Variants in CNTN4 observed in about 807,000 individuals in gnomAD.
The protein encoded by CNTN4 is contactin-4.
In CNTN4, 77 loss-of-function variants were observed where a neutral mutation model predicts 122.5. The observed-to-expected ratio is 0.63, with a 90% CI of 0.52 to 0.76. CNTN4 has a LOEUF of 0.76. Ranked by LOEUF, CNTN4 falls within the 30% of genes least tolerant of loss-of-function variation. The pLI is 0.00. For synonymous variants in CNTN4, 512 were observed against 447.0 expected (o/e 1.15, Z -1.83); for missense variants, 1,256 against 1,259.1 (o/e 1.00, Z 0.04).
chr3:2,663,126 A>C (rs1174200887), intron 4 of CNTN4, among the ~76,000 whole-genome samples: 2 of 152,080 alleles, frequency 1.3e-5, no homozygotes, highest in Non-Finnish European at 2.9e-5. Context: ...AGAAAAGGGA[A>C]ATAAAGACAC....
intron 2 of CNTN4, among the ~76,000 whole-genome samples, chr3:2,155,994 G>C (rs907764931): frequency 6.6e-6 from 1 of 152,094 alleles, no homozygotes; most frequent in Non-Finnish European, 1.5e-5. Flanking sequence ...GGGGTGGTTA[G>C]CTCGGGTTGC....
chr3:3,025,314 C>A (rs1178213177), intron 14 of CNTN4, among the ~76,000 whole-genome samples: 1 of 152,070 alleles, frequency 6.6e-6, no homozygotes, highest in African/African-American at 2.4e-5. Context: ...ATGTTCATTA[C>A]AGCATTATTT....
chr3:2,621,838 A>G (rs892863017), intron 4 of CNTN4, among the ~76,000 whole-genome samples: 35 of 152,184 alleles, frequency 2.3e-4, no homozygotes, highest in African/African-American at 8.4e-4. Flanking sequence ...GGCCAAGAGA[A>G]TGATCCTCAT....
At chr3:2,335,711 C>G (rs1281793384) in intron 2 of CNTN4, among the ~76,000 whole-genome samples, 1 of 151,676 alleles carries the variant, frequency 6.6e-6, no homozygotes, top group Admixed American at 6.6e-5. Flanking sequence ...TTTCCCCTAA[C>G]AAGAATACAG....
intron 2 of CNTN4, among the ~76,000 whole-genome samples, chr3:2,210,237 A>G (rs2038551905): frequency 6.6e-6 from 1 of 152,218 alleles, no homozygotes; most frequent in Admixed American, 6.5e-5. Flanking sequence ...CCTACATGAA[A>G]AGATGACCAC....
At chr3:3,002,151 A>G (rs1018680584) in intron 14 of CNTN4, among the ~76,000 whole-genome samples, 6 of 152,202 alleles carry the variant, frequency 3.9e-5, no homozygotes, top group African/African-American at 1.4e-4. Flanking sequence ...AGTGGCCATG[A>G]AACAACCATA....
At chr3:2,489,227 G>T (rs536041391) in intron 3 of CNTN4, among the ~76,000 whole-genome samples, 1 of 152,174 alleles carries the variant, frequency 6.6e-6, no homozygotes, top group Admixed American at 6.5e-5. Context: ...CTCAACAAAA[G>T]ACATTAGATT....
chr3:2,698,604 G>T (rs572035259), intron 4 of CNTN4, among the ~76,000 whole-genome samples: 1 of 152,096 alleles, frequency 6.6e-6, no homozygotes, highest in East Asian at 1.9e-4. Flanking sequence ...TTCTAAGTCC[G>T]TACAGCTAGA....
chr3:2,530,309 C>CTTTTTT (rs1206246281), intron 3 of CNTN4, among the ~76,000 whole-genome samples: 6 of 134,710 alleles, frequency 4.5e-5, no homozygotes, highest in African/African-American at 2.8e-5. Context: ...TTCTCCTCTT[C>CTTTTTT]TTTTTTTTTT....
At chr3:2,497,078 G>T (rs1440708063) in intron 3 of CNTN4, among the ~76,000 whole-genome samples, 1 of 152,158 alleles carries the variant, frequency 6.6e-6, no homozygotes, top group East Asian at 1.9e-4. Context: ...CTGTACTTTG[G>T]AAACAACGTC....
rs184198450 is a variant in CNTN4, at chr3:3,043,840, A to G, written c.2811+136A>G. ...TACCCTCTAGGAATCGCTGCCTCCA[A>G]CACGGTTTGATCTGAGTTGTATAAA... On this transcript the variant is annotated intron_variant, in intron 23 of 24. Transcript: ENST00000418658. 4.2e-4 allele frequency: 297 copies of G among 706,920 alleles called. 2 individuals are homozygous for G. In the African/African-American group the frequency reaches 4.7e-3, roughly 11 times the overall value. The allele number at this position is 706,920 out of a possible 1,614,324, so 43.8% of individuals were successfully genotyped here.
At chr3:2,267,640 A>T (rs1171217272) in intron 2 of CNTN4, among the ~76,000 whole-genome samples, 1 of 151,880 alleles carries the variant, frequency 6.6e-6, no homozygotes, top group Non-Finnish European at 1.5e-5. Context: ...AGTTATTTCC[A>T]CTCCTTTTCC....
At chr3:2,122,046 T>C (rs1231670394) in intron 2 of CNTN4, among the ~76,000 whole-genome samples, 1 of 151,634 alleles carries the variant, frequency 6.6e-6, no homozygotes, top group Non-Finnish European at 1.5e-5. Context: ...TCCCAGCTAC[T>C]CGGGAGGCTG....
At chr3:2,376,568 A>G (rs1205735413) in intron 3 of CNTN4, among the ~76,000 whole-genome samples, 1 of 152,056 alleles carries the variant, frequency 6.6e-6, no homozygotes, top group Non-Finnish European at 1.5e-5. Flanking sequence ...TGCATTAAGC[A>G]CAGTCCACAG....
intron 3 of CNTN4, among the ~76,000 whole-genome samples, chr3:2,520,119 C>T (rs1285472328): frequency 6.6e-6 from 1 of 151,782 alleles, no homozygotes; most frequent in Non-Finnish European, 1.5e-5. Flanking sequence ...TTTTGCTATG[C>T]CTAAGTAATT....
chr3:2,965,660 C>G (rs527885290), intron 13 of CNTN4, among the ~76,000 whole-genome samples: 26 of 152,250 alleles, frequency 1.7e-4, no homozygotes, highest in African/African-American at 6.0e-4. Flanking sequence ...AAATGTAAAT[C>G]TGATGATATC....
chr3:2,432,814 CT>C (rs5846183), intron 3 of CNTN4, among the ~76,000 whole-genome samples: 13 of 141,608 alleles, frequency 9.2e-5, no homozygotes, highest in Middle Eastern at 3.6e-3. Context: ...ACACTAACTG[CT>C]TTTTTTTTTT....
chr3:2,348,945 C>G (rs1015184597), intron 3 of CNTN4, among the ~76,000 whole-genome samples: 1 of 152,098 alleles, frequency 6.6e-6, no homozygotes, highest in Non-Finnish European at 1.5e-5. Context: ...AACTATATGC[C>G]TTAGATAAAT....
At chr3:2,832,945 C>T (rs1010644110) in intron 7 of CNTN4, among the ~76,000 whole-genome samples, 3 of 152,022 alleles carry the variant, frequency 2.0e-5, no homozygotes, top group African/African-American at 7.2e-5. Flanking sequence ...AAAATATCTA[C>T]ACTATGTAAA....
Sources: gnomAD v4.1 joint callset for allele counts (sites outside exome capture counted in the v4.1 genomes callset) on GRCh38, gnomAD v4.1.1 for gene constraint, MANE v1.5 for transcripts, NCBI Gene and HGNC (gene_info 2026-07-23, HGNC 2026-07-21) for gene names.